TANC2: variants seen among roughly 807,000 people sequenced by gnomAD.
TANC2 encodes the protein protein TANC2.
A neutral mutation model predicts 210.5 loss-of-function variants in TANC2; 26 were observed. That is an observed-to-expected ratio of 0.12 (90% CI 0.09 to 0.17). The LOEUF (loss-of-function observed/expected upper bound fraction) is 0.17, where lower values mean the gene tolerates loss of function less well. TANC2 is among the 10% of genes least tolerant of loss of function. The probability of loss-of-function intolerance (pLI) is 1.00; values close to 1 mark genes in which losing one functional copy is unlikely to be tolerated. For synonymous variants in TANC2, 931 were observed against 967.1 expected (o/e 0.96, Z 0.69); for missense variants, 2,129 against 2,608.9 (o/e 0.82, Z 4.01).
intron 2 of TANC2, among the ~76,000 whole-genome samples, chr17:63,048,362 A>G (rs377764733): frequency 2.0e-5 from 3 of 152,176 alleles, no homozygotes; most frequent in Admixed American, 1.3e-4. Context: ...GGGTTAGACA[A>G]TTTCACTTCT....
At position 63,021,410 on chromosome 17, in the gene TANC2, C is replaced by T. The variant is rs182878127; in HGVS notation, c.67+11784C>T. ...TGTCTTTCTTGTGAGACTGCATTAG[C>T]TTTTGTGAGAGCTGGTTGTTATAAA... On this transcript the variant is annotated intron_variant, in intron 2 of 27. Transcript: ENST00000689528. 7.1e-4 allele frequency among the ~76,000 whole-genome samples: 108 copies of T among 152,190 alleles called. 1 individual carries two copies. The highest frequency in any genetic ancestry group is 2.6e-3 in the African/African-American group (106 of 41,506).
At chr17:63,236,019 G>A (rs2042611030) in intron 7 of TANC2, among the ~76,000 whole-genome samples, 2 of 151,878 alleles carry the variant, frequency 1.3e-5, no homozygotes, top group Admixed American at 1.3e-4. Context: ...TACAAGTAGG[G>A]CCTGTTATTG....
At chr17:63,099,311 A>G (rs1455901800) in exon 4 of TANC2, 1 of 1,562,724 alleles carries the variant, frequency 6.4e-7, no homozygotes. Flanking sequence ...CCTTACTCAC[A>G]CATCAGTCTA....
chr17:63,199,678 A>G (rs531320049), intron 6 of TANC2, among the ~76,000 whole-genome samples: 31 of 152,226 alleles, frequency 2.0e-4, no homozygotes, highest in Non-Finnish European at 3.1e-4. Flanking sequence ...TTTATTCACT[A>G]TTGTAGTAAT....
At chr17:63,204,515 AGCTCCTT>A (rs2145823847) in intron 7 of TANC2, among the ~76,000 whole-genome samples, 1 of 152,184 alleles carries the variant, frequency 6.6e-6, no homozygotes, top group African/African-American at 2.4e-5. Context: ...TTGTAGTCCC[AGCTCCTT>A]GGGAGGCTGA....
At chr17:63,358,671 T>C (rs1567950256) in intron 14 of TANC2, among the ~76,000 whole-genome samples, 1 of 152,152 alleles carries the variant, frequency 6.6e-6, no homozygotes, top group African/African-American at 2.4e-5. Flanking sequence ...ATTATGCTAA[T>C]AGTAAAGAGA....
At chr17:63,307,967 A>G (rs2044981038) in intron 9 of TANC2, among the ~76,000 whole-genome samples, 1 of 152,100 alleles carries the variant, frequency 6.6e-6, no homozygotes, top group Admixed American at 6.5e-5. Context: ...GGGTTTCACC[A>G]TGTTAGCCAG....
At chr17:63,202,207 T>G (rs183198092) in intron 7 of TANC2, among the ~76,000 whole-genome samples, 128 of 152,234 alleles carry the variant, frequency 8.4e-4, no homozygotes, top group Non-Finnish European at 1.5e-3. Context: ...TGCATTTCCT[T>G]TAATAATGGA....
chr17:63,040,397 G>T (rs1287876155), intron 2 of TANC2, among the ~76,000 whole-genome samples: 1 of 152,172 alleles, frequency 6.6e-6, no homozygotes, highest in African/African-American at 2.4e-5. Flanking sequence ...GAAACATGGA[G>T]GCTTAGTTTC....
chr17:63,410,860 C>CAAAAAAAAAA (rs34268418), intron 21 of TANC2, among the ~76,000 whole-genome samples: 6 of 39,014 alleles, frequency 1.5e-4, no homozygotes, highest in African/African-American at 2.9e-4. Context: ...GACTCCATCT[C>CAAAAAAAAAA]AAAAAAAAAA....
intron 12 of TANC2, among the ~76,000 whole-genome samples, chr17:63,342,487 A>G (rs1035874252): frequency 6.6e-6 from 1 of 152,174 alleles, no homozygotes; most frequent in South Asian, 2.1e-4. Context: ...TGATACAAGG[A>G]TCTACACCTT....
intron 14 of TANC2, among the ~76,000 whole-genome samples, chr17:63,376,215 T>G (rs1323687607): frequency 6.7e-6 from 1 of 150,136 alleles, no homozygotes; most frequent in Non-Finnish European, 1.5e-5. Flanking sequence ...GGGTGGATCA[T>G]GAAGTCAGGA....
chr17:63,113,731 G>A (rs2145059253), intron 4 of TANC2, among the ~76,000 whole-genome samples: 1 of 152,172 alleles, frequency 6.6e-6, no homozygotes, highest in East Asian at 1.9e-4. Context: ...CTGGTCTAAA[G>A]TCCTGGGCTC....
rs548798065 is a variant in TANC2 at position 62,969,744 on chromosome 17, G to A, written c.-24+2995G>A. On this transcript the variant is annotated intron_variant, in intron 1 of 27. Coordinates refer to ENST00000689528, the Ensembl canonical transcript of TANC2. ...ATACACATTCATACACACACACACA[G>A]CCTTTTTAAGAGCACCAGTAAACCT... 2.8e-3 allele frequency among the ~76,000 whole-genome samples: 432 copies of A among 151,974 alleles called. 1 individual carries two copies. The highest frequency in any genetic ancestry group is 0.01 in the African/African-American group (417 of 41,484).
intron 2 of TANC2, among the ~76,000 whole-genome samples, chr17:63,040,207 A>G (rs1428355880): frequency 6.6e-6 from 1 of 152,164 alleles, no homozygotes; most frequent in African/African-American, 2.4e-5. Flanking sequence ...TACCTCTTTT[A>G]TGAAAGCAAA....
intron 5 of TANC2, among the ~76,000 whole-genome samples, chr17:63,170,828 C>A (rs2040379525): frequency 1.3e-5 from 2 of 152,136 alleles, no homozygotes; most frequent in South Asian, 2.1e-4. Flanking sequence ...TCTCTTTGAG[C>A]AAACTGTCTT....
intron 2 of TANC2, among the ~76,000 whole-genome samples, chr17:63,055,990 A>AAAAATAT (rs2035784593): frequency 9.9e-5 from 1 of 10,102 alleles, no homozygotes; most frequent in African/African-American, 2.5e-4. Flanking sequence ...AAAAAAAAAA[A>AAAAATAT]ATATATATAT....
At chr17:63,112,583 T>A (rs980763122) in intron 4 of TANC2, among the ~76,000 whole-genome samples, 1 of 152,146 alleles carries the variant, frequency 6.6e-6, no homozygotes, top group Non-Finnish European at 1.5e-5. Context: ...CCGTTTAGAG[T>A]TCTACATAGT....
chr17:63,216,856 A>C (rs1672637941), intron 7 of TANC2, among the ~76,000 whole-genome samples: 1 of 152,214 alleles, frequency 6.6e-6, no homozygotes, highest in South Asian at 2.1e-4. Context: ...CAATAAACTT[A>C]AGTGGACTCA....
Sources: gnomAD v4.1 joint callset for allele counts (sites outside exome capture counted in the v4.1 genomes callset) on GRCh38, gnomAD v4.1.1 for gene constraint, MANE v1.5 for transcripts, NCBI Gene and HGNC (gene_info 2026-07-23, HGNC 2026-07-21) for gene names.